The following ARFGEF1 variants were observed in gnomAD, a reference collection of about 807,000 sequenced individuals.
ARFGEF1 encodes the protein brefeldin A-inhibited guanine nucleotide-exchange protein 1.
In ARFGEF1, 42 loss-of-function variants were observed where a neutral mutation model predicts 231.0. That is an observed-to-expected ratio of 0.18 (90% CI 0.14 to 0.24). ARFGEF1 has a LOEUF of 0.24. Ranked by LOEUF, ARFGEF1 falls within the 10% of genes least tolerant of loss-of-function variation. The pLI is 1.00. For synonymous variants in ARFGEF1, 710 were observed against 732.3 expected (o/e 0.97, Z 0.49); for missense variants, 1,345 against 2,192.0 (o/e 0.61, Z 7.72).
intron 20 of ARFGEF1, among the ~76,000 whole-genome samples, 175 bp from the exon 21 acceptor site, chr8:67,239,068 G>A (rs1050693231): frequency 7.9e-5 from 12 of 151,534 alleles, no homozygotes; most frequent in Non-Finnish European, 1.2e-4. Context: ...GTTCAATGGC[G>A]CAATCTCGGC....
At position 67,246,118 on chromosome 8, in the gene ARFGEF1, C is replaced by T. The variant is rs535754187; in HGVS notation, c.2850+5181G>A. On this transcript the variant is annotated intron_variant, in intron 19 of 38. Transcript: ENST00000262215. Reference sequence around the variant, plus strand: ...CAGCACTGCACCCAAATATATAAAGCAAATATTATTAGAGCTAAAGACAGA... The same window carrying T: ...CAGCACTGCACCCAAATATATAAAGTAAATATTATTAGAGCTAAAGACAGA... 1.3e-3 allele frequency among the ~76,000 whole-genome samples: 193 copies of T among 150,050 alleles called. 6 individuals are homozygous for T. The highest frequency in any genetic ancestry group is 2.0e-3 in the Non-Finnish European group (134 of 67,642).
In ARFGEF1 at chr8:67,259,816, G is replaced by A. The variant is rs1336362179; in HGVS notation, c.2234C>T (p.Ser745Phe). 7.6e-6 allele frequency: 12 copies of A among 1,571,710 alleles called. No homozygotes were observed. Among genetic ancestry groups the A allele is most frequent in the Non-Finnish European group, 1.0e-5 (12 of 1,156,520 alleles). ...QFLHQEERLD[S>F]TQVGEFLGDN... ...TTAGAATGAAAATGGTATTCTTACA[G>A]AGTCTAATCTTTCCTCTTGATGTAA... is the stretch of plus-strand genomic sequence containing the variant. The change falls in exon 15 of 39, where the codon TCT (serine) becomes TTT (phenylalanine). Residue 745 changes from serine (S) to phenylalanine (F), a missense_variant and splice_region_variant. Ser to Phe is a radical substitution (Grantham distance 155). This residue lies in a region of ARFGEF1 where 105 missense variants were observed against 159.3 expected (regional missense o/e 0.66). Transcript: ENST00000262215.
At chr8:67,292,348 C>A (rs1806045078) in intron 5 of ARFGEF1, among the ~76,000 whole-genome samples, 1 of 152,124 alleles carries the variant, frequency 6.6e-6, no homozygotes, top group Non-Finnish European at 1.5e-5. Flanking sequence ...AAGACTTTCA[C>A]TATATAGCAT....
chr8:67,293,783 T>C (rs1294597105), intron 5 of ARFGEF1, among the ~76,000 whole-genome samples: 2 of 152,072 alleles, frequency 1.3e-5, no homozygotes, highest in Non-Finnish European at 2.9e-5. Flanking sequence ...GATTATAAGG[T>C]AGACATGTGG....
intron 34 of ARFGEF1, among the ~76,000 whole-genome samples, chr8:67,210,400 A>G (rs1484738625): frequency 1.3e-5 from 2 of 150,968 alleles, no homozygotes; most frequent in African/African-American, 4.9e-5. Context: ...AGATCGCTTG[A>G]GCCTGGAGGT....
rs1289542476 is a variant in ARFGEF1 at position 67,245,401 on chromosome 8, GAC to G, written c.2851-5113_2851-5112del. On this transcript the variant is annotated intron_variant, in intron 19 of 38. Coordinates refer to ENST00000262215, the MANE Select transcript of ARFGEF1 (RefSeq NM_006421.5). Reference sequence around the variant, plus strand: ...AGAAAGATGACTCACAGCTTTTCAAGACACAGGCAGTACAATAAGGTATAAAC... The same window carrying G: ...AGAAAGATGACTCACAGCTTTTCAAGACAGGCAGTACAATAAGGTATAAAC... Among the ~76,000 whole-genome samples the G allele has an allele frequency of 1.3e-5, 2 of 150,370 alleles. 1 individual carries two copies. Among genetic ancestry groups the G allele is most frequent in the Non-Finnish European group, 2.9e-5 (2 of 67,806 alleles).
chr8:67,266,257 A>C, intron 13 of ARFGEF1, 50 bp from the exon 14 acceptor site: 2 of 1,501,008 alleles, frequency 1.3e-6, no homozygotes, highest in Non-Finnish European at 9.1e-7. Flanking sequence ...AAGAAAAAAA[A>C]AAGTGTAAGG....
intron 1 of ARFGEF1, among the ~76,000 whole-genome samples, chr8:67,311,028 T>G (rs1456564205): frequency 5.9e-5 from 7 of 118,930 alleles, no homozygotes; most frequent in African/African-American, 1.0e-4. Context: ...GTCTGGGAGG[T>G]GAGGGGCGCC....
At chr8:67,302,649 A>T (rs1806544668) in intron 1 of ARFGEF1, among the ~76,000 whole-genome samples, 183 bp from the exon 2 acceptor site, 1 of 152,196 alleles carries the variant, frequency 6.6e-6, no homozygotes, top group South Asian at 2.1e-4. Flanking sequence ...ATAACATAAA[A>T]CTATATGAAT....
chr8:67,296,638 A>C (rs777912166), intron 4 of ARFGEF1, 28 bp from the exon 5 acceptor site: 18 of 1,551,804 alleles, frequency 1.2e-5, no homozygotes, highest in Non-Finnish European at 1.6e-5. Context: ...GAAAAAGTTA[A>C]AGAGATTTTC....
At chr8:67,259,524 G>A (rs1052391347) in intron 15 of ARFGEF1, among the ~76,000 whole-genome samples, 1 of 152,130 alleles carries the variant, frequency 6.6e-6, no homozygotes. Context: ...CACTGTGCCC[G>A]GCCAACCAAG....
intron 5 of ARFGEF1, among the ~76,000 whole-genome samples, chr8:67,295,440 T>C (rs1806189543): frequency 6.6e-6 from 1 of 152,104 alleles, no homozygotes; most frequent in Non-Finnish European, 1.5e-5. Context: ...CCTGACAAAA[T>C]GCACTGAAAA....
At chr8:67,339,904 A>T (rs1404665269) in intron 1 of ARFGEF1, among the ~76,000 whole-genome samples, 2 of 148,474 alleles carry the variant, frequency 1.3e-5, no homozygotes, top group East Asian at 2.0e-4. Context: ...TTAAAGGTTT[A>T]TTTTTCTTTC....
At chr8:67,246,731 T>C (rs1161716825) in intron 19 of ARFGEF1, among the ~76,000 whole-genome samples, 2 of 149,802 alleles carry the variant, frequency 1.3e-5, no homozygotes, top group Non-Finnish European at 3.0e-5. Flanking sequence ...AACCCAAAAT[T>C]AGTAGAAGAA....
chr8:67,283,342 G>C (rs186858913), intron 7 of ARFGEF1, among the ~76,000 whole-genome samples: 1 of 152,164 alleles, frequency 6.6e-6, no homozygotes, highest in African/African-American at 2.4e-5. Flanking sequence ...TAATCTAAAT[G>C]CTAGTATTAA....
At chr8:67,263,561 C>A (rs1203360399) in intron 14 of ARFGEF1, among the ~76,000 whole-genome samples, 1 of 152,132 alleles carries the variant, frequency 6.6e-6, no homozygotes, top group African/African-American at 2.4e-5. Flanking sequence ...TCTAGCCTGC[C>A]ATGCTGAACA....
chr8:67,288,186 A>T, intron 6 of ARFGEF1, 121 bp from the exon 7 acceptor site: 1 of 535,714 alleles, frequency 1.9e-6, no homozygotes, highest in South Asian at 3.3e-5. Flanking sequence ...TCAAATAGAT[A>T]ACATGAAATT....
chr8:67,251,295 T>G lies in ARFGEF1; in HGVS notation c.2850+4A>C, dbSNP rs779058367. ...GCAATCAAACATTACTTGAAAATTC[T>G]AACCTTAAACATGGGCCTCACATGC... On this transcript the variant is annotated splice_donor_region_variant and intron_variant, in intron 19 of 38. Coordinates refer to ENST00000262215, the MANE Select transcript of ARFGEF1 (RefSeq NM_006421.5). The G allele has an allele frequency of 3.2e-6, 5 of 1,580,360 alleles. No individual in the cohort carries two copies. Among genetic ancestry groups the G allele is most frequent in the Non-Finnish European group, 8.6e-7 (1 of 1,167,122 alleles).
At chr8:67,309,180 T>C (rs1010302531) in intron 1 of ARFGEF1, among the ~76,000 whole-genome samples, 1 of 152,158 alleles carries the variant, frequency 6.6e-6, no homozygotes, top group Non-Finnish European at 1.5e-5. Context: ...GAAAGACACA[T>C]GATTTTACTT....
Sources: allele counts gnomAD v4.1 joint callset (sites outside exome capture counted in the v4.1 genomes callset), GRCh38; gene constraint gnomAD v4.1.1; regional missense constraint gnomAD v4.1.1; transcripts MANE v1.5; gene names NCBI Gene and HGNC (gene_info 2026-07-23, HGNC 2026-07-21).